Variants in RAB38 observed in about 807,000 individuals in gnomAD.
RAB38 encodes the protein RAB38, member RAS oncogene family.
A neutral mutation model predicts 18.4 loss-of-function variants in RAB38; 15 were observed. The ratio of observed to expected loss-of-function variants is 0.82; its 90% CI spans 0.55 to 1.26. The LOEUF (loss-of-function observed/expected upper bound fraction) is 1.26, where lower values mean the gene tolerates loss of function less well. RAB38 is among the 50% of genes most tolerant of loss of function. The pLI is 0.00. For missense variants in RAB38, 294 were observed against 267.4 expected, an observed-to-expected ratio of 1.10 and a Z score of -0.69; for synonymous variants, 101 against 104.4, an observed-to-expected ratio of 0.97 and a Z score of 0.20.
chr11:88,081,797 T>C, the RAB38 span, among the ~76,000 whole-genome samples: 1 of 152,022 alleles, frequency 6.6e-6, no homozygotes, highest in South Asian at 2.1e-4. Flanking sequence ...ACATACCTTT[T>C]GGAACGCCAC....
rs572558647 is a variant in RAB38 at position 88,150,164 on chromosome 11, G to A, written c.203-209C>T. On this transcript the variant is annotated intron_variant, in intron 1 of 2. Transcript: ENST00000243662. ...GGGAATTCATCCATTTAACAAATAT[G>A]TACTGAGAAATTTCTGTGTACCATG... Among the ~76,000 whole-genome samples the A allele has an allele frequency of 5.3e-5, 8 of 152,268 alleles. No individual in the cohort carries two copies. The South Asian group carries it at 1.5e-3, about 28-fold the overall frequency.
chr11:88,089,741 A>T, the RAB38 span, among the ~76,000 whole-genome samples: 1 of 151,994 alleles, frequency 6.6e-6, no homozygotes, highest in Non-Finnish European at 1.5e-5. Context: ...TTTTCCCCGT[A>T]CAAAGTCAAA....
chr11:88,146,991 T>A (rs1364964431), intron 2 of RAB38, among the ~76,000 whole-genome samples: 1 of 152,200 alleles, frequency 6.6e-6, no homozygotes, highest in Non-Finnish European at 1.5e-5. Flanking sequence ...AAACATTGTG[T>A]CCTTAATCAG....
At chr11:88,042,662 G>C in the RAB38 span, among the ~76,000 whole-genome samples, 6 of 152,218 alleles carry the variant, frequency 3.9e-5, no homozygotes, top group Non-Finnish European at 7.3e-5. Context: ...CTCTAGGTGA[G>C]TAGACCCAGT....
the RAB38 span, among the ~76,000 whole-genome samples, chr11:88,026,280 A>G: frequency 1.3e-5 from 2 of 152,064 alleles, no homozygotes; most frequent in African/African-American, 4.8e-5. Flanking sequence ...ATGCAACACA[A>G]CAGCCAGGTG....
the RAB38 span, among the ~76,000 whole-genome samples, chr11:87,851,929 A>G: frequency 1.3e-5 from 2 of 152,206 alleles, no homozygotes; most frequent in South Asian, 4.1e-4. Flanking sequence ...TTATTTAATA[A>G]GTCTTAGATG....
At chr11:87,977,414 TATAATTATATTATAAAAC>T in the RAB38 span, among the ~76,000 whole-genome samples, 1 of 73,218 alleles carries the variant, frequency 1.4e-5, no homozygotes, top group Non-Finnish European at 2.5e-5. Context: ...TATTATAAAA[TATAATTATATTATAAAAC>T]AATTATATAT....
the RAB38 span, among the ~76,000 whole-genome samples, chr11:88,044,927 CTTACAG>C: frequency 6.6e-6 from 1 of 152,158 alleles, no homozygotes; most frequent in Non-Finnish European, 1.5e-5. Context: ...CCCGGTCTGG[CTTACAG>C]TTTCATTCTG....
At chr11:87,906,515 C>A in the RAB38 span, among the ~76,000 whole-genome samples, 2 of 151,816 alleles carry the variant, frequency 1.3e-5, no homozygotes, top group East Asian at 1.9e-4. Context: ...ATATTAAGCA[C>A]CCTACCAAAT....
chr11:87,956,416 G>A, the RAB38 span, among the ~76,000 whole-genome samples: 1 of 152,082 alleles, frequency 6.6e-6, no homozygotes, highest in Non-Finnish European at 1.5e-5. Context: ...AAATTCTTGG[G>A]TCCTCGCCTC....
chr11:87,867,576 T>C, the RAB38 span, among the ~76,000 whole-genome samples: 40,480 of 151,658 alleles, frequency 0.27, 7,480 homozygotes, highest in African/African-American at 0.53. Context: ...TATGATTATC[T>C]CAAAATTGCA....
the RAB38 span, among the ~76,000 whole-genome samples, chr11:87,969,313 G>A: frequency 6.6e-6 from 1 of 152,016 alleles, no homozygotes; most frequent in Admixed American, 6.6e-5. Context: ...CCCCCCAATA[G>A]AGTATGTGAA....
the RAB38 span, among the ~76,000 whole-genome samples, chr11:88,100,384 G>A: frequency 2.0e-5 from 3 of 151,808 alleles, no homozygotes; most frequent in African/African-American, 7.3e-5. Context: ...AAGAGGGAGT[G>A]GTGAGATTGT....
At chr11:87,841,284 A>AT in the RAB38 span, among the ~76,000 whole-genome samples, 1 of 152,138 alleles carries the variant, frequency 6.6e-6, no homozygotes, top group African/African-American at 2.4e-5. Context: ...TGCTGTTCTT[A>AT]TGATAGTGAG....
At chr11:87,833,503 G>A in the RAB38 span, among the ~76,000 whole-genome samples, 1 of 152,282 alleles carries the variant, frequency 6.6e-6, no homozygotes, top group Admixed American at 6.5e-5. Context: ...TCACATAACA[G>A]AGTCTCCCCC....
the RAB38 span, among the ~76,000 whole-genome samples, chr11:87,936,229 A>G: frequency 1.3e-5 from 2 of 152,164 alleles, no homozygotes; most frequent in South Asian, 4.1e-4. Flanking sequence ...TTAGACTTAC[A>G]AGATTTTTTC....
At chr11:87,829,577 G>C in the RAB38 span, among the ~76,000 whole-genome samples, 5 of 152,082 alleles carry the variant, frequency 3.3e-5, no homozygotes, top group African/African-American at 9.7e-5. Flanking sequence ...TCACTATCAC[G>C]AGAACAGCAT....
Position 88,149,879 on chromosome 11 carries a change from G to A in RAB38, c.279C>T (p.Thr93=), listed in dbSNP as rs369454117. 8.1e-6 allele frequency: 13 copies of A among 1,613,624 alleles called. No homozygotes were observed. The highest frequency in any genetic ancestry group is 8.5e-6 in the Non-Finnish European group (10 of 1,179,942). The change falls in exon 2 of 3, where the codon ACC becomes ACT. Residue 93 remains threonine (T), a synonymous_variant. Transcript: ENST00000243662. The part of the protein sequence containing the change: ...AMGAFIVFDV[T]RPATFEAVAK... ...CCACTGCTTCAAATGTGGCTGGCCT[G>A]GTGACATCGAAGACAATAAATGCAC...
At chr11:88,049,751 G>C in the RAB38 span, among the ~76,000 whole-genome samples, 1 of 152,218 alleles carries the variant, frequency 6.6e-6, no homozygotes, top group Non-Finnish European at 1.5e-5. Context: ...CATAAAGCCT[G>C]TTTGGTGGTC....
Sources: gnomAD v4.1 joint callset for allele counts (sites outside exome capture counted in the v4.1 genomes callset) on GRCh38, gnomAD v4.1.1 for gene constraint, MANE v1.5 for transcripts, NCBI Gene and HGNC (gene_info 2026-07-23, HGNC 2026-07-21) for gene names.